The following KLF12 variants were observed in gnomAD, a reference collection of about 807,000 sequenced individuals.
The protein encoded by KLF12 is KLF transcription factor 12.
KLF12 carries 9 observed loss-of-function variants against 37.8 expected under a neutral mutation model. The ratio of observed to expected loss-of-function variants is 0.24; its 90% CI spans 0.14 to 0.42. The LOEUF is 0.42. Ranked by LOEUF, KLF12 falls within the 10% of genes least tolerant of loss-of-function variation. The pLI is 1.00. For missense variants in KLF12, 411 were observed against 516.0 expected (o/e 0.80, Z 1.97); for synonymous variants, 208 against 202.1 (o/e 1.03, Z -0.25).
chr13:74,197,292 C>A, the KLF12 span, among the ~76,000 whole-genome samples: 62,804 of 151,982 alleles, frequency 0.41, 15,914 homozygotes, highest in East Asian at 0.72. Context: ...GGCAATTTTA[C>A]AAAATTGCAA....
intron 1 of KLF12, among the ~76,000 whole-genome samples, chr13:74,109,491 A>G (rs931593555): frequency 6.6e-6 from 1 of 152,172 alleles, no homozygotes; most frequent in Non-Finnish European, 1.5e-5. Context: ...AGAACAGATT[A>G]TTTGAATGCT....
the KLF12 span, among the ~76,000 whole-genome samples, chr13:74,209,555 C>CACAG: frequency 1.3e-5 from 2 of 150,514 alleles, no homozygotes; most frequent in African/African-American, 2.4e-5. Flanking sequence ...CACACACACA[C>CACAG]ACAGACAATT....
At chr13:73,821,487 CA>C (rs1307063983) in intron 4 of KLF12, among the ~76,000 whole-genome samples, 1 of 152,202 alleles carries the variant, frequency 6.6e-6, no homozygotes, top group Non-Finnish European at 1.5e-5. Flanking sequence ...TGATTCATTT[CA>C]TTTGTGCCCC....
chr13:73,850,420 G>A (rs955002796), intron 3 of KLF12, among the ~76,000 whole-genome samples: 2 of 152,128 alleles, frequency 1.3e-5, no homozygotes, highest in African/African-American at 4.8e-5. Context: ...TTAGTTCCCA[G>A]AGTACTAGAT....
At chr13:74,264,121 A>G in the KLF12 span, among the ~76,000 whole-genome samples, 1 of 152,328 alleles carries the variant, frequency 6.6e-6, no homozygotes, top group Admixed American at 6.5e-5. Context: ...CAAAACGGTT[A>G]ACTTTCCATT....
Position 73,690,811 on chromosome 13 carries a change from C to T in KLF12, c.*4679G>A, listed in dbSNP as rs1171366300. On this transcript the variant is annotated 3_prime_UTR_variant, in exon 8 of 8. Coordinates refer to ENST00000377669, the MANE Select transcript of KLF12 (RefSeq NM_007249.5). ...TGTAAAATTTGTGAGTTTGAAAATA[C>T]TTTTTCCACTATCACATATGTTACG... is the stretch of plus-strand genomic sequence containing the variant. The T allele has an allele frequency of 6.6e-6, 1 of 152,562 alleles. No individual in the cohort carries two copies. Among genetic ancestry groups the T allele is most frequent in the African/African-American group, 2.4e-5 (1 of 41,436 alleles). 9.5% of individuals were successfully genotyped at this position (152,562 alleles called of 1,614,324 possible). A position where few individuals can be genotyped will look rare whatever the true frequency, so the allele number is the denominator to read the frequency against.
chr13:73,957,873 T>TA (rs1375122214), intron 2 of KLF12, among the ~76,000 whole-genome samples: 1 of 152,186 alleles, frequency 6.6e-6, no homozygotes, highest in Non-Finnish European at 1.5e-5. Flanking sequence ...AATTAAAAGA[T>TA]ACGCTGGGCA....
chr13:74,018,412 C>T (rs188478087), intron 1 of KLF12, among the ~76,000 whole-genome samples: 1 of 152,138 alleles, frequency 6.6e-6, no homozygotes, highest in African/African-American at 2.4e-5. Context: ...TATTGATATA[C>T]TGTATTCTTG....
chr13:74,134,907 G>T (rs934891354), upstream of KLF12, among the ~76,000 whole-genome samples: 2 of 151,924 alleles, frequency 1.3e-5, no homozygotes, highest in African/African-American at 4.8e-5. Flanking sequence ...CCCGCGGCTC[G>T]CCCGCCAGCG....
At chr13:73,707,420 T>C (rs970697372) in intron 7 of KLF12, among the ~76,000 whole-genome samples, 1 of 152,194 alleles carries the variant, frequency 6.6e-6, no homozygotes, top group Non-Finnish European at 1.5e-5. Context: ...TGGTGATATT[T>C]CTATTATATT....
At position 73,738,727 on chromosome 13, in the gene KLF12, A is replaced by G. The variant is rs186691493; in HGVS notation, c.870-23202T>C. 5.1e-3 allele frequency among the ~76,000 whole-genome samples: 784 copies of G among 152,280 alleles called. 5 individuals are homozygous for G. Among genetic ancestry groups the G allele is most frequent in the Non-Finnish European group, 7.8e-3 (529 of 68,020 alleles). On this transcript the variant is annotated intron_variant, in intron 6 of 7. Transcript: ENST00000377669. Reference sequence around the variant, plus strand: ...GTGTAGGTGAAATGTTATAAAGAACAAAGACCATGATAAACATAGCCACAG... The same window carrying G: ...GTGTAGGTGAAATGTTATAAAGAACGAAGACCATGATAAACATAGCCACAG...
the KLF12 span, among the ~76,000 whole-genome samples, chr13:74,196,493 T>C: frequency 1.3e-5 from 2 of 152,332 alleles, no homozygotes; most frequent in East Asian, 3.9e-4. Context: ...GATTCAACTC[T>C]ATGTCATTTA....
intron 6 of KLF12, among the ~76,000 whole-genome samples, chr13:73,751,420 T>C (rs1421700607): frequency 1.3e-5 from 2 of 152,182 alleles, no homozygotes; most frequent in South Asian, 2.1e-4. Flanking sequence ...TTTTTAATAA[T>C]AGCCATTCTG....
the KLF12 span, among the ~76,000 whole-genome samples, chr13:74,223,621 C>T: frequency 1.3e-5 from 2 of 152,096 alleles, no homozygotes; most frequent in South Asian, 4.2e-4. Context: ...AAGTGGACTT[C>T]CCTGTGGTCC....
intron 2 of KLF12, among the ~76,000 whole-genome samples, chr13:73,979,905 A>G (rs534742241): frequency 1.2e-4 from 19 of 152,296 alleles, no homozygotes; most frequent in Non-Finnish European, 2.6e-4. Flanking sequence ...TGGTGTTCTT[A>G]TAAGAAGAGG....
chr13:73,774,896 T>C (rs983868823), intron 5 of KLF12, among the ~76,000 whole-genome samples: 4 of 151,418 alleles, frequency 2.6e-5, no homozygotes, highest in African/African-American at 4.8e-5. Context: ...TGTGCATATA[T>C]ATGTACCTTC....
intron 3 of KLF12, among the ~76,000 whole-genome samples, chr13:73,852,132 G>A (rs1279380300): frequency 6.6e-6 from 1 of 152,070 alleles, no homozygotes; most frequent in African/African-American, 2.4e-5. Context: ...TACTAAAAAG[G>A]GAAGCCTATT....
intron 6 of KLF12, among the ~76,000 whole-genome samples, chr13:73,722,314 TG>T (rs1876327894): frequency 6.6e-6 from 1 of 152,202 alleles, no homozygotes; most frequent in Admixed American, 6.5e-5. Flanking sequence ...TCTATTCACA[TG>T]AACAAGCCAG....
the KLF12 span, among the ~76,000 whole-genome samples, chr13:74,251,947 A>C: frequency 1.3e-5 from 2 of 152,096 alleles, no homozygotes; most frequent in African/African-American, 4.8e-5. Flanking sequence ...AGGCTGAGTC[A>C]GTTTTTGGTG....
Sources: gnomAD v4.1 joint callset for allele counts (sites outside exome capture counted in the v4.1 genomes callset) on GRCh38, gnomAD v4.1.1 for gene constraint, MANE v1.5 for transcripts, NCBI Gene and HGNC (gene_info 2026-07-23, HGNC 2026-07-21) for gene names.